The following CMIP variants were observed in gnomAD, a reference collection of about 807,000 sequenced individuals.
CMIP encodes C-Maf-inducing protein.
CMIP carries 13 observed loss-of-function variants against 97.3 expected under a neutral mutation model. That is an observed-to-expected ratio of 0.13 (90% CI 0.09 to 0.21). CMIP has a LOEUF of 0.21. CMIP is among the 10% of genes least tolerant of loss of function. The pLI is 1.00. For missense variants in CMIP, 847 were observed against 1,024.9 expected, an observed-to-expected ratio of 0.83 and a Z score of 2.37; for synonymous variants, 538 against 436.3, an observed-to-expected ratio of 1.23 and a Z score of -2.91.
chr16:81,450,637 G>A (rs528964052), intron 1 of CMIP, among the ~76,000 whole-genome samples: 2 of 152,334 alleles, frequency 1.3e-5, no homozygotes, highest in African/African-American at 4.8e-5. Flanking sequence ...AGAGTTCCCT[G>A]AGATGAATAG....
intron 1 of CMIP, among the ~76,000 whole-genome samples, chr16:81,468,442 C>T (rs1195405725): frequency 2.0e-5 from 3 of 152,364 alleles, no homozygotes; most frequent in African/African-American, 4.8e-5. Context: ...TGGAACCTTC[C>T]GCACCTTGTA....
chr16:81,657,736 GT>G, intron 4 of CMIP, 38 bp from the exon 5 acceptor site: 1 of 1,530,904 alleles, frequency 6.5e-7, no homozygotes, highest in Non-Finnish European at 8.8e-7. Context: ...ATTTTCTTTT[GT>G]TTTGTTTTCC....
At chr16:81,602,310 A>G (rs577097275) in intron 1 of CMIP, among the ~76,000 whole-genome samples, 1 of 152,372 alleles carries the variant, frequency 6.6e-6, no homozygotes, top group Admixed American at 6.5e-5. Flanking sequence ...AAAAAATTAT[A>G]TATTAAAATA....
chr16:81,540,479 T>G (rs1241648030), intron 1 of CMIP, among the ~76,000 whole-genome samples: 1 of 151,488 alleles, frequency 6.6e-6, no homozygotes, highest in African/African-American at 2.4e-5. Context: ...ATTTTTGTAT[T>G]TTTTGTAGAG....
At chr16:81,467,137 G>A (rs1421925221) in intron 1 of CMIP, among the ~76,000 whole-genome samples, 1 of 152,170 alleles carries the variant, frequency 6.6e-6, no homozygotes, top group Non-Finnish European at 1.5e-5. Context: ...GGGCTTAGGC[G>A]AGGTTGTGTG....
At chr16:81,574,007 G>T (rs1185648971) in intron 1 of CMIP, among the ~76,000 whole-genome samples, 2 of 152,036 alleles carry the variant, frequency 1.3e-5, no homozygotes, top group African/African-American at 4.8e-5. Context: ...CCTTTACCTG[G>T]ACTGCAATCT....
At chr16:81,477,784 C>G (rs984693284) in intron 1 of CMIP, among the ~76,000 whole-genome samples, 3 of 152,212 alleles carry the variant, frequency 2.0e-5, no homozygotes, top group Non-Finnish European at 4.4e-5. Context: ...GTTCTTAGCA[C>G]CATGGGCCAA....
chr16:81,607,882 G>A (rs2091770766), intron 2 of CMIP, among the ~76,000 whole-genome samples, 190 bp downstream of exon 2: 1 of 152,214 alleles, frequency 6.6e-6, no homozygotes, highest in Non-Finnish European at 1.5e-5. Flanking sequence ...GACTGTGCAT[G>A]GCCTGAGCGT....
At chr16:81,623,809 G>A (rs1184426594) in intron 3 of CMIP, among the ~76,000 whole-genome samples, 1 of 152,220 alleles carries the variant, frequency 6.6e-6, no homozygotes. Flanking sequence ...CTGAGTACAT[G>A]TGAGATGCCA....
At chr16:81,548,728 C>G (rs2090598166) in intron 1 of CMIP, among the ~76,000 whole-genome samples, 4 of 151,540 alleles carry the variant, frequency 2.6e-5, no homozygotes. Context: ...TGCCTGTAGT[C>G]TTAGCTACGT....
chr16:81,608,750 C>T (rs1052634372), intron 2 of CMIP, among the ~76,000 whole-genome samples: 4 of 152,198 alleles, frequency 2.6e-5, no homozygotes, highest in Admixed American at 2.6e-4. Context: ...GTCAGGGGAG[C>T]CAGCCAATTT....
intron 2 of CMIP, among the ~76,000 whole-genome samples, chr16:81,612,529 G>A (rs906258147): frequency 6.6e-6 from 1 of 152,236 alleles, no homozygotes; most frequent in Non-Finnish European, 1.5e-5. Flanking sequence ...CAGTAAGAAA[G>A]GAAGCTCCTT....
chr16:81,594,832 A>G (rs1485070029), intron 1 of CMIP, among the ~76,000 whole-genome samples: 2 of 135,054 alleles, frequency 1.5e-5, no homozygotes, highest in East Asian at 4.4e-4. Context: ...GGGTTTTAGC[A>G]TGTTAGCCAG....
At chr16:81,464,934 C>G (rs1907111933) in intron 1 of CMIP, 2 of 152,096 alleles carry the variant, frequency 1.3e-5, no homozygotes, top group South Asian at 4.1e-4. Context: ...CTGGATAGAC[C>G]ACATTTGATT....
At chr16:81,689,941 G>A (rs945755540) in intron 10 of CMIP, among the ~76,000 whole-genome samples, 1 of 152,244 alleles carries the variant, frequency 6.6e-6, no homozygotes, top group African/African-American at 2.4e-5. Context: ...TTTTTATCAG[G>A]TTTGTCAAAG....
chr16:81,645,443 A>C, intron 3 of CMIP: 1 of 1,515,774 alleles, frequency 6.6e-7, no homozygotes, highest in African/African-American at 1.4e-5. Flanking sequence ...CTTCCAGTGC[A>C]TTCTGAGTCA....
At chr16:81,598,616 C>T (rs2091603470) in intron 1 of CMIP, among the ~76,000 whole-genome samples, 1 of 152,176 alleles carries the variant, frequency 6.6e-6, no homozygotes. Flanking sequence ...ATTACTTTTA[C>T]TTTACACATG....
At chr16:81,650,939 A>T (rs530236371) in intron 3 of CMIP, among the ~76,000 whole-genome samples, 1 of 152,136 alleles carries the variant, frequency 6.6e-6, no homozygotes, top group Non-Finnish European at 1.5e-5. Context: ...TTGGCATGGA[A>T]TGTGTCCCTC....
intron 3 of CMIP, among the ~76,000 whole-genome samples, chr16:81,629,906 C>T (rs914349621): frequency 3.3e-5 from 5 of 152,226 alleles, no homozygotes; most frequent in Admixed American, 6.5e-5. Context: ...TCTCAGCTTT[C>T]GCTTTATTTG....
Sources: gnomAD v4.1 joint callset for allele counts (sites outside exome capture counted in the v4.1 genomes callset) on GRCh38, gnomAD v4.1.1 for gene constraint, MANE v1.5 for transcripts, NCBI Gene and HGNC (gene_info 2026-07-23, HGNC 2026-07-21) for gene names.